PRKCZ: variants seen among roughly 807,000 people sequenced by gnomAD.
The protein encoded by PRKCZ is protein kinase C zeta.
A neutral mutation model predicts 79.5 loss-of-function variants in PRKCZ; 33 were observed. The ratio of observed to expected loss-of-function variants is 0.41; its 90% CI spans 0.31 to 0.55. PRKCZ has a LOEUF of 0.55. Among genes scored for constraint, PRKCZ ranks in the 20% least tolerant of loss-of-function variants. The pLI is 0.19. For synonymous variants in PRKCZ, 342 were observed against 320.9 expected (o/e 1.07, Z -0.70); for missense variants, 578 against 813.5 (o/e 0.71, Z 3.52).
chr1:2,130,348 G>T (rs1246558934), intron 4 of PRKCZ, among the ~76,000 whole-genome samples: 1 of 152,226 alleles, frequency 6.6e-6, no homozygotes, highest in Non-Finnish European at 1.5e-5. Flanking sequence ...GATGCTGGGG[G>T]TATTGGGTGT....
At chr1:2,064,459 G>A (rs1418214284) in intron 4 of PRKCZ, among the ~76,000 whole-genome samples, 1 of 152,162 alleles carries the variant, frequency 6.6e-6, no homozygotes, top group Non-Finnish European at 1.5e-5. Context: ...ATGTTGTGAA[G>A]CTTTTCCCCT....
At chr1:2,050,173 G>C (rs368509727), upstream of PRKCZ, 4 of 152,234 alleles carry the variant, frequency 2.6e-5, no homozygotes, top group East Asian at 1.9e-4. Context: ...TCCGGTTGCC[G>C]GGCAGAGCCG....
intron 4 of PRKCZ, chr1:2,073,749 A>T: frequency 1.0e-6 from 1 of 1,004,806 alleles, no homozygotes; most frequent in Non-Finnish European, 1.2e-6. Flanking sequence ...GGCGGGGGAC[A>T]GGACAGCCGG....
chr1:2,125,204 T>C lies in PRKCZ; in HGVS notation c.335-10058T>C, dbSNP rs1256520963. Among the ~76,000 whole-genome samples the C allele has an allele frequency of 6.6e-6, 1 of 152,202 alleles. No individual in the cohort carries two copies. Among genetic ancestry groups the C allele is most frequent in the Non-Finnish European group, 1.5e-5 (1 of 68,038 alleles). ...TAGTGAATCCAGAAAAAAAATTTCT[T>C]ACATAGAAAGGAGCGGTATTTGGTA... On this transcript the variant is annotated intron_variant, in intron 4 of 17. Coordinates refer to ENST00000378567, the MANE Select transcript of PRKCZ (RefSeq NM_002744.6). This position sits in a 1 kb window ranked among gnomAD's most constrained non-coding sequence, Gnocchi z 4.2.
chr1:2,092,205 G>A (rs1434401651), intron 4 of PRKCZ, among the ~76,000 whole-genome samples: 3 of 150,132 alleles, frequency 2.0e-5, no homozygotes, highest in Non-Finnish European at 4.4e-5. Flanking sequence ...CACCCCCGCC[G>A]CCCTCCCCCT....
intron 10 of PRKCZ, among the ~76,000 whole-genome samples, chr1:2,157,254 C>T (rs1681246081): frequency 6.6e-6 from 1 of 152,182 alleles, no homozygotes; most frequent in African/African-American, 2.4e-5. Context: ...CAGAAGCCCC[C>T]TCAACAGGCA....
intron 4 of PRKCZ, among the ~76,000 whole-genome samples, chr1:2,122,583 T>C (rs1347803789): frequency 0.024 from 57 of 2,404 alleles, no homozygotes; most frequent in African/African-American, 0.14. Flanking sequence ...TGGTTAGGGT[T>C]GTGGTGGTTA....
At chr1:2,181,517 G>A (rs1438763617) in intron 16 of PRKCZ, among the ~76,000 whole-genome samples, 2 of 152,210 alleles carry the variant, frequency 1.3e-5, no homozygotes, top group Non-Finnish European at 2.9e-5. Flanking sequence ...GGGGGCGGCG[G>A]TGGGAAAAGG....
intron 3 of PRKCZ, 152 bp from the exon 4 acceptor site, chr1:2,059,389 G>A: frequency 1.1e-6 from 1 of 885,878 alleles, no homozygotes; most frequent in Non-Finnish European, 1.8e-6. Flanking sequence ...ACGGGGTTTT[G>A]CGTCTCCCAG....
chr1:2,111,833 T>C (rs1003705863), intron 4 of PRKCZ: 4 of 152,268 alleles, frequency 2.6e-5, no homozygotes, highest in Non-Finnish European at 4.4e-5. Flanking sequence ...TAGGCACTTG[T>C]GGGTCCGGCC....
intron 10 of PRKCZ, among the ~76,000 whole-genome samples, chr1:2,167,873 G>A (rs1472088503): frequency 7.7e-6 from 1 of 129,120 alleles, no homozygotes; most frequent in African/African-American, 2.9e-5. Context: ...CCAGAATGCT[G>A]GGATTACAGG....
chr1:2,062,290 C>T (rs960434596), intron 4 of PRKCZ, among the ~76,000 whole-genome samples: 5 of 152,150 alleles, frequency 3.3e-5, no homozygotes, highest in Admixed American at 1.3e-4. Context: ...CTCCGCTCAG[C>T]CTCTGTCTCT....
Position 2,178,790 on chromosome 1 carries a change from T to A in PRKCZ, c.1575+3477T>A, listed in dbSNP as rs1433371365. Among the ~76,000 whole-genome samples the A allele has an allele frequency of 6.6e-6, 1 of 152,078 alleles. No individual in the cohort carries two copies. The highest frequency in any genetic ancestry group is 6.6e-5 in the Admixed American group (1 of 15,266). ...GAGTGGGGCACGTGTGAGGCCTTGG[T>A]CCCCACCTGTGGACTCAGGGTCTCT... is the stretch of plus-strand genomic sequence containing the variant. On this transcript the variant is annotated intron_variant, in intron 16 of 17. Coordinates refer to ENST00000378567, the MANE Select transcript of PRKCZ (RefSeq NM_002744.6). This position sits in a 1 kb window ranked among gnomAD's most constrained non-coding sequence, Gnocchi z 4.3.
chr1:2,096,339 C>T (rs189801142), intron 4 of PRKCZ, among the ~76,000 whole-genome samples: 5 of 151,962 alleles, frequency 3.3e-5, no homozygotes, highest in African/African-American at 9.7e-5. Context: ...TAGCTGCCAC[C>T]GAGAGAGGCC....
intron 4 of PRKCZ, among the ~76,000 whole-genome samples, chr1:2,117,199 C>T (rs1187090665): frequency 6.6e-6 from 1 of 152,158 alleles, no homozygotes; most frequent in Non-Finnish European, 1.5e-5. Flanking sequence ...GTCCTTCTGC[C>T]TCAGCCTCCT....
At chr1:2,110,023 G>T (rs190116878) in intron 4 of PRKCZ, among the ~76,000 whole-genome samples, 1 of 152,028 alleles carries the variant, frequency 6.6e-6, no homozygotes. Flanking sequence ...CCATTTCATC[G>T]GGGCCCTCCC....
At chr1:2,143,046 T>TG (rs34368845) in intron 5 of PRKCZ, 1 of 149,090 alleles carries the variant, frequency 6.7e-6, no homozygotes, top group Non-Finnish European at 1.5e-5. Context: ...TTTTTTTTTT[T>TG]GAGATGGAGT....
intron 4 of PRKCZ, among the ~76,000 whole-genome samples, chr1:2,064,353 CAA>C (rs912974167): frequency 1.3e-5 from 2 of 152,144 alleles, no homozygotes; most frequent in Non-Finnish European, 2.9e-5. Flanking sequence ...TTTTGATGGA[CAA>C]AGTTTTAAAA....
intron 1 of PRKCZ, chr1:2,050,992 G>C (rs1659586695): frequency 3.0e-6 from 1 of 329,864 alleles, no homozygotes; most frequent in African/African-American, 2.1e-5. Flanking sequence ...AGTTGGGCGG[G>C]GACGTTCCGG....
Sources: allele counts gnomAD v4.1 joint callset (sites outside exome capture counted in the v4.1 genomes callset), GRCh38; gene constraint gnomAD v4.1.1; non-coding constraint Gnocchi (gnomAD v3.1); transcripts MANE v1.5; gene names NCBI Gene and HGNC (gene_info 2026-07-23, HGNC 2026-07-21).